Variants in BAZ2B observed in about 807,000 individuals in gnomAD.
BAZ2B encodes bromodomain adjacent to zinc finger domain protein 2B.
BAZ2B carries 91 observed loss-of-function variants against 246.0 expected under a neutral mutation model. The observed-to-expected ratio is 0.37, with a 90% CI of 0.31 to 0.44. The LOEUF is 0.44. Among genes scored for constraint, BAZ2B ranks in the 20% least tolerant of loss-of-function variants. BAZ2B has a pLI of 1.00. For missense variants in BAZ2B, 2,332 were observed against 2,533.7 expected (o/e 0.92, Z 1.71); for synonymous variants, 855 against 860.0 (o/e 0.99, Z 0.10).
chr2:159,675,236 C>T, the BAZ2B span, among the ~76,000 whole-genome samples: 1 of 151,354 alleles, frequency 6.6e-6, no homozygotes, highest in African/African-American at 2.4e-5. Flanking sequence ...ATTAAAGAGG[C>T]AATAAAATAT....
chr2:159,529,830 T>C (rs10489998), intron 2 of BAZ2B, among the ~76,000 whole-genome samples: 8,880 of 152,276 alleles, frequency 0.058, 348 homozygotes, highest in East Asian at 0.19. Context: ...TAACCTCTGA[T>C]TGTATTTATT....
chr2:159,475,766 T>C lies in BAZ2B; in HGVS notation c.145+2809A>G, dbSNP rs148929811. On this transcript the variant is annotated intron_variant, in intron 3 of 36. Coordinates refer to ENST00000392783, the MANE Select transcript of BAZ2B (RefSeq NM_013450.4). ...TAGACATCCTTTTTGTTGATATTGA[T>C]GCTATTCCTTTCTGTTTGTTAGTTT... Among the ~76,000 whole-genome samples, 18 of 152,338 alleles carry C rather than the reference T, an allele frequency of 1.2e-4. No homozygotes were observed. In the East Asian group the frequency reaches 3.3e-3, roughly 28 times the overall value.
intron 3 of BAZ2B, among the ~76,000 whole-genome samples, chr2:159,468,311 A>AAAC (rs199886147): frequency 1.4e-4 from 22 of 152,196 alleles, no homozygotes; most frequent in African/African-American, 2.2e-4. Context: ...CTTAGAAGAA[A>AAAC]AACAACAACA....
At chr2:159,569,348 A>T (rs1683382878) in intron 1 of BAZ2B, among the ~76,000 whole-genome samples, 1 of 152,208 alleles carries the variant, frequency 6.6e-6, no homozygotes, top group Non-Finnish European at 1.5e-5. Context: ...AAAGAATATC[A>T]ACTTTTGCAA....
At chr2:159,395,493 G>T in intron 20 of BAZ2B, 1 of 238,166 alleles carries the variant, frequency 4.2e-6, no homozygotes, top group Non-Finnish European at 8.1e-6. Context: ...ACTCTGGTGT[G>T]ATAAATAGCT....
intron 35 of BAZ2B, 81 bp downstream of exon 35, chr2:159,325,572 A>G: frequency 7.1e-7 from 1 of 1,406,670 alleles, no homozygotes; most frequent in South Asian, 1.4e-5. Context: ...ATCAGAAAGA[A>G]AGCTTTAATA....
chr2:159,438,165 T>C, intron 8 of BAZ2B, 138 bp downstream of exon 8: 2 of 798,504 alleles, frequency 2.5e-6, no homozygotes, highest in Non-Finnish European at 3.9e-6. Context: ...TTTTCTGCTG[T>C]ACATATTCTA....
intron 36 of BAZ2B, chr2:159,321,965 G>A (rs2062768363): frequency 6.6e-6 from 1 of 152,118 alleles, no homozygotes; most frequent in Non-Finnish European, 1.5e-5. Context: ...TCCATGATGT[G>A]ATTATTATGC....
the BAZ2B span, among the ~76,000 whole-genome samples, chr2:159,654,422 T>G: frequency 6.6e-6 from 1 of 152,048 alleles, no homozygotes; most frequent in Non-Finnish European, 1.5e-5. Context: ...ATCTGACTAA[T>G]TTAGACAGAG....
chr2:159,351,503 T>C (rs1418687580), intron 27 of BAZ2B, among the ~76,000 whole-genome samples: 1 of 152,174 alleles, frequency 6.6e-6, no homozygotes, highest in Non-Finnish European at 1.5e-5. Flanking sequence ...CTAAGATGTG[T>C]ACTTTTCAGA....
chr2:159,645,754 G>A, the BAZ2B span, among the ~76,000 whole-genome samples: 4 of 152,176 alleles, frequency 2.6e-5, no homozygotes, highest in Non-Finnish European at 4.4e-5. Flanking sequence ...CTGGGTGTCC[G>A]GGGGAGACAT....
intron 1 of BAZ2B, among the ~76,000 whole-genome samples, chr2:159,557,801 A>G (rs1446374156): frequency 6.6e-6 from 1 of 152,220 alleles, no homozygotes; most frequent in Non-Finnish European, 1.5e-5. Flanking sequence ...AGAGCTACAA[A>G]GGATCCAAAA....
At position 159,462,614 on chromosome 2, in the gene BAZ2B, T is replaced by C. The variant is rs183576442; in HGVS notation, c.146-8813A>G. 3.8e-5 allele frequency: 34 copies of C among 895,562 alleles called. No homozygotes were observed. The East Asian group carries it at 6.5e-4, about 17-fold the overall frequency. 55.5% of individuals were successfully genotyped at this position (895,562 alleles called of 1,614,324 possible). A position where few individuals can be genotyped will look rare whatever the true frequency, so the allele number is the denominator to read the frequency against. On this transcript the variant is annotated intron_variant, in intron 3 of 36. Transcript: ENST00000392783. ...TGCGTCATTCGAAACAGTTAGCGAA[T>C]CCTGTACATCTTTATGACTAACCAA... is the stretch of plus-strand genomic sequence containing the variant.
chr2:159,503,108 T>A (rs1441933191), intron 2 of BAZ2B, among the ~76,000 whole-genome samples: 3 of 152,152 alleles, frequency 2.0e-5, no homozygotes, highest in East Asian at 3.8e-4. Flanking sequence ...CTGTTTTTTT[T>A]AAAGCAGTAA....
intron 1 of BAZ2B, among the ~76,000 whole-genome samples, chr2:159,590,719 T>G (rs1020863257): frequency 8.5e-5 from 13 of 152,122 alleles, no homozygotes; most frequent in African/African-American, 2.9e-4. Context: ...CAAAAAGGTG[T>G]GCTAGTCCCT....
chr2:159,326,307 T>C (rs916956892), intron 34 of BAZ2B, among the ~76,000 whole-genome samples: 1 of 151,936 alleles, frequency 6.6e-6, no homozygotes. Context: ...AATATAGAGA[T>C]TGTTAATAAG....
At chr2:159,567,102 G>A (rs1682800523) in intron 1 of BAZ2B, among the ~76,000 whole-genome samples, 1 of 151,990 alleles carries the variant, frequency 6.6e-6, no homozygotes, top group Non-Finnish European at 1.5e-5. Context: ...AATTAGCCAG[G>A]CATGGTGGTG....
chr2:159,587,817 C>G (rs1262761881), intron 1 of BAZ2B, among the ~76,000 whole-genome samples: 5 of 152,116 alleles, frequency 3.3e-5, no homozygotes, highest in Admixed American at 3.3e-4. Flanking sequence ...GTTCCAGCAC[C>G]TAGCAAAATG....
At chr2:159,440,846 CAAG>C (rs1253986547) in intron 6 of BAZ2B, among the ~76,000 whole-genome samples, 2 of 152,044 alleles carry the variant, frequency 1.3e-5, no homozygotes, top group African/African-American at 4.8e-5. Flanking sequence ...AAACTAGTTA[CAAG>C]AAGGCCTCTT....
Sources: gnomAD v4.1 joint callset for allele counts (sites outside exome capture counted in the v4.1 genomes callset) on GRCh38, gnomAD v4.1.1 for gene constraint, MANE v1.5 for transcripts, NCBI Gene and HGNC (gene_info 2026-07-23, HGNC 2026-07-21) for gene names.